HECTD4: variants seen among roughly 807,000 people sequenced by gnomAD.
HECTD4 encodes the protein probable E3 ubiquitin-protein ligase HECTD4.
HECTD4 carries 114 observed loss-of-function variants against 471.5 expected under a neutral mutation model. That is an observed-to-expected ratio of 0.24 (90% CI 0.21 to 0.28). HECTD4 has a LOEUF of 0.28. Among genes scored for constraint, HECTD4 ranks in the 10% least tolerant of loss-of-function variants. The pLI, the probability that HECTD4 is intolerant of heterozygous loss-of-function variation, is 1.00. For missense variants in HECTD4, 3,866 were observed against 5,651.5 expected (o/e 0.68, Z 10.13); for synonymous variants, 2,012 against 2,256.0 (o/e 0.89, Z 3.07).
Position 112,235,865 on chromosome 12 carries a change from AAC to A in HECTD4, c.5445-83_5445-82del. The A allele has an allele frequency of 8.3e-7, 1 of 1,200,420 alleles. No homozygotes were observed. Among genetic ancestry groups the A allele is most frequent in the Non-Finnish European group, 1.2e-6 (1 of 866,468 alleles). 74.4% of individuals were successfully genotyped at this position (1,200,420 alleles called of 1,614,324 possible). ...TCAGAAGCAAGAGTTCTCTGAATGA[AAC>A]AAACCAATGAAATCTGATTTCACGA... On this transcript the variant is annotated intron_variant, in intron 35 of 75. Transcript: ENST00000682272. The surrounding 1 kb of genome is among the most constrained non-coding windows in gnomAD (Gnocchi z 5.0).
intron 48 of HECTD4, 113 bp downstream of exon 48, chr12:112,216,178 TA>T: frequency 1.4e-6 from 1 of 723,580 alleles, no homozygotes; most frequent in Non-Finnish European, 2.4e-6. Context: ...TGGTTTTTGC[TA>T]AATGACAAAC....
chr12:112,251,261 AG>A, intron 23 of HECTD4, 127 bp from the exon 24 acceptor site: 1 of 806,018 alleles, frequency 1.2e-6, no homozygotes, highest in Non-Finnish European at 1.9e-6. Flanking sequence ...TATCACTGCT[AG>A]GGGACACAGG....
intron 7 of HECTD4, among the ~76,000 whole-genome samples, chr12:112,295,982 A>T (rs1276427935): frequency 6.6e-6 from 1 of 152,130 alleles, no homozygotes; most frequent in Non-Finnish European, 1.5e-5. Flanking sequence ...ATATTTGAGC[A>T]GAGACATTTA....
At chr12:112,370,319 T>C (rs1047279975) in intron 1 of HECTD4, among the ~76,000 whole-genome samples, 3 of 152,226 alleles carry the variant, frequency 2.0e-5, no homozygotes, top group Admixed American at 1.3e-4. Flanking sequence ...TTTCAAACTT[T>C]TGACTTCCAA....
chr12:112,300,224 G>A (rs974919480), intron 7 of HECTD4, among the ~76,000 whole-genome samples: 15 of 150,676 alleles, frequency 1.0e-4, no homozygotes, highest in Admixed American at 9.3e-4. Context: ...CAGGAGAATC[G>A]CTTCAGCCTG....
At chr12:112,364,489 G>T (rs1186587619) in intron 1 of HECTD4, among the ~76,000 whole-genome samples, 1 of 152,050 alleles carries the variant, frequency 6.6e-6, no homozygotes, top group Non-Finnish European at 1.5e-5. Context: ...CAGCACCCTG[G>T]AAGGCCAAGG....
intron 1 of HECTD4, among the ~76,000 whole-genome samples, chr12:112,366,932 AT>A (rs201645230): frequency 2.0e-4 from 30 of 146,700 alleles, no homozygotes; most frequent in Non-Finnish European, 2.4e-4. Context: ...GCTTGTTACT[AT>A]TTTTTTTTTG....
Position 112,285,440 on chromosome 12 carries a change from C to A in HECTD4, c.1336-2138G>T, listed in dbSNP as rs1439477329. Among the ~76,000 whole-genome samples the A allele has an allele frequency of 3.9e-5, 6 of 152,236 alleles. No individual in the cohort carries two copies. The East Asian group carries it at 1.2e-3, about 29-fold the overall frequency. The stretch of plus-strand genomic sequence containing the variant: ...TGCCAATCTAAAAAAGAATCCTCCC[C>A]AGCACCCCAACCCAGAGCACATCAT... On this transcript the variant is annotated intron_variant, in intron 7 of 75. Coordinates refer to ENST00000682272, the MANE Select transcript of HECTD4 (RefSeq NM_001388303.1).
chr12:112,189,681 ACTTTCCT>A (rs2032011747), intron 60 of HECTD4, among the ~76,000 whole-genome samples: 1 of 151,538 alleles, frequency 6.6e-6, no homozygotes, highest in Admixed American at 6.6e-5. Context: ...CCCCCTGCCA[ACTTTCCT>A]CTTTATTTCC....
intron 1 of HECTD4, among the ~76,000 whole-genome samples, chr12:112,377,843 C>T (rs1421777631): frequency 1.3e-5 from 2 of 151,858 alleles, no homozygotes; most frequent in African/African-American, 2.4e-5. Context: ...GCACTCCAGC[C>T]TGGGTAACAA....
At chr12:112,337,019 CA>C (rs1422058350) in intron 1 of HECTD4, among the ~76,000 whole-genome samples, 1 of 152,080 alleles carries the variant, frequency 6.6e-6, no homozygotes, top group African/African-American at 2.4e-5. Flanking sequence ...TTTTTTCTTC[CA>C]ATGCTAGGAA....
At position 112,279,220 on chromosome 12, in the gene HECTD4, T is replaced by C. The variant is rs756706325; in HGVS notation, c.1687+8A>G. On this transcript the variant is annotated splice_region_variant and intron_variant, in intron 9 of 75. Coordinates refer to ENST00000682272, the MANE Select transcript of HECTD4 (RefSeq NM_001388303.1). ...TCGAGGAAAGTGCCACAAGTAAAAT[T>C]CACTTACTTTTTAAAGATGACAAAC... 9 of 1,600,082 alleles carry C rather than the reference T, an allele frequency of 5.6e-6. No individual in the cohort carries two copies. The highest frequency in any genetic ancestry group is 1.7e-4 in the Middle Eastern group (1 of 6,056).
intron 1 of HECTD4, among the ~76,000 whole-genome samples, chr12:112,328,637 A>AG (rs918177471): frequency 6.6e-6 from 1 of 152,168 alleles, no homozygotes; most frequent in Admixed American, 6.5e-5. Context: ...TCATGATGGG[A>AG]GGGTGGAATT....
At chr12:112,309,522 G>A (rs1167616853) in intron 5 of HECTD4, 39 bp downstream of exon 5, 1 of 874,218 alleles carries the variant, frequency 1.1e-6, no homozygotes, top group South Asian at 1.4e-5. Context: ...GGAGGATAAT[G>A]TTCTAGCCCA....
At position 112,213,653 on chromosome 12, in the gene HECTD4, T is replaced by C. The variant is rs1003742377; in HGVS notation, c.7466-1003A>G. On this transcript the variant is annotated intron_variant, in intron 48 of 75. Coordinates refer to ENST00000682272, the MANE Select transcript of HECTD4 (RefSeq NM_001388303.1). The surrounding 1 kb of genome is among the most constrained non-coding windows in gnomAD (Gnocchi z 4.0). Reference sequence around the variant, plus strand: ...GTGAGCCAAGATTGTGCCACTGCACTTCAGCCTGGGCGACAGAGCAAGACT... The same window carrying C: ...GTGAGCCAAGATTGTGCCACTGCACCTCAGCCTGGGCGACAGAGCAAGACT... Among the ~76,000 whole-genome samples, 14 of 150,670 alleles carry C rather than the reference T, an allele frequency of 9.3e-5. No homozygotes were observed. Among genetic ancestry groups the C allele is most frequent in the African/African-American group, 3.4e-4 (14 of 41,060 alleles).
chr12:112,254,638 A>C (rs73207627), intron 21 of HECTD4, among the ~76,000 whole-genome samples: 8,095 of 152,302 alleles, frequency 0.053, 284 homozygotes, highest in South Asian at 0.095. Flanking sequence ...AAAAAAAATC[A>C]ATGAATAAAT....
Position 112,183,232 on chromosome 12 carries a change from G to C in HECTD4, c.10814C>G (p.Ala3605Gly). ...RSRAKIEKIR[A>G]SLFNNNDLIG... ...CAAGTCATTATTGTTAAATAAACTT[G>C]CTCGAATTTTCTCAATTTTGGCTCG... is the stretch of plus-strand genomic sequence containing the variant. Residue 3605 changes from alanine to glycine, a missense_variant, in exon 62 of 76, where the codon GCA becomes GGA. Around this residue, in one of 16 missense-constraint regions of HECTD4, gnomAD observed 715 missense variants for 1,087.6 expected, o/e 0.66. Transcript: ENST00000682272. The C allele has an allele frequency of 6.2e-7, 1 of 1,613,812 alleles. No homozygotes were observed. The highest frequency in any genetic ancestry group is 8.5e-7 in the Non-Finnish European group (1 of 1,179,860).
At chr12:112,291,710 A>C (rs1391411943) in intron 7 of HECTD4, among the ~76,000 whole-genome samples, 1 of 152,088 alleles carries the variant, frequency 6.6e-6, no homozygotes, top group Non-Finnish European at 1.5e-5. Flanking sequence ...GTCTCTACTA[A>C]AAATACAAAA....
chr12:112,372,526 C>G (rs940476179), intron 1 of HECTD4, among the ~76,000 whole-genome samples: 1 of 151,984 alleles, frequency 6.6e-6, no homozygotes, highest in African/African-American at 2.4e-5. Context: ...TCGTGTGATC[C>G]GCCCACCTCT....
Sources: gnomAD v4.1 joint callset for allele counts (sites outside exome capture counted in the v4.1 genomes callset) on GRCh38, gnomAD v4.1.1 for gene constraint, gnomAD v4.1.1 regional missense constraint, Gnocchi (gnomAD v3.1) non-coding constraint, MANE v1.5 for transcripts, NCBI Gene and HGNC (gene_info 2026-07-23, HGNC 2026-07-21) for gene names.